VPS33B: variants seen among roughly 807,000 people sequenced by gnomAD.
The protein encoded by VPS33B is VPS33B late endosome and lysosome associated, also known as vacuolar protein sorting-associated protein 33B.
Under a neutral mutation model 95.3 loss-of-function variants are expected in VPS33B, and 80 were observed. That is an observed-to-expected ratio of 0.84 (90% CI 0.70 to 1.01). The LOEUF (loss-of-function observed/expected upper bound fraction) is 1.01. Among genes scored for constraint, VPS33B ranks in the 50% least tolerant of loss-of-function variants. The pLI is 0.00. For synonymous variants in VPS33B, 280 were observed against 280.4 expected (o/e 1.00, Z 0.01); for missense variants, 715 against 773.4 (o/e 0.92, Z 0.90).
chr15:91,001,364 C>T (rs750843381), intron 19 of VPS33B, 25 bp downstream of exon 19: 1 of 1,593,908 alleles, frequency 6.3e-7, no homozygotes, highest in East Asian at 2.2e-5. Context: ...CCACTGTCTC[C>T]CCTAACCATC....
chr15:91,011,649 GCTTGTAGGATTATTTTAA>G lies in VPS33B; in HGVS notation c.358-1821_358-1804del, dbSNP rs1261256126. On this transcript the variant is annotated intron_variant, in intron 5 of 22. Coordinates refer to ENST00000333371, the MANE Select transcript of VPS33B (RefSeq NM_018668.5). This position sits in a 1 kb window ranked among gnomAD's most constrained non-coding sequence, Gnocchi z 5.5. Reference sequence around the variant, plus strand: ...TTTTGTTTTTCTGTGTAATAGAGAGGCTTGTAGGATTATTTTAACTTGTAGGATTATTCCCTGTTAATA... The same window carrying G: ...TTTTGTTTTTCTGTGTAATAGAGAGGCTTGTAGGATTATTCCCTGTTAATA... 6.6e-6 allele frequency among the ~76,000 whole-genome samples: 1 copy of G among 152,140 alleles called. No homozygotes were observed. Among genetic ancestry groups the G allele is most frequent in the East Asian group, 1.9e-4 (1 of 5,194 alleles).
chr15:91,016,375 CTTTTTTTTTT>C (rs796637381), intron 3 of VPS33B, among the ~76,000 whole-genome samples: 7 of 96,014 alleles, frequency 7.3e-5, no homozygotes, highest in Middle Eastern at 7.2e-3. Flanking sequence ...GCAGATTCTT[CTTTTTTTTTT>C]TTTTTTTTTT....
In VPS33B at chr15:91,015,446, A is replaced by G. The variant is rs2040897861; in HGVS notation, c.240-1013T>C. Among the ~76,000 whole-genome samples the G allele has an allele frequency of 6.6e-6, 1 of 151,122 alleles. No homozygotes were observed. The highest frequency in any genetic ancestry group is 6.6e-5 in the Admixed American group (1 of 15,152). On this transcript the variant is annotated intron_variant, in intron 3 of 22. Coordinates refer to ENST00000333371, the MANE Select transcript of VPS33B (RefSeq NM_018668.5). The surrounding 1 kb of genome is among the most constrained non-coding windows in gnomAD (Gnocchi z 4.7). ...TATAATCCCAGCATTTTGGGAGGCC[A>G]AGGAGTGCGGATCACCTGAGGTCAA...
intron 18 of VPS33B, 141 bp downstream of exon 18, chr15:91,001,909 G>A (rs1033109712): frequency 2.2e-6 from 3 of 1,341,072 alleles, no homozygotes; most frequent in Non-Finnish European, 3.1e-6. Flanking sequence ...ACTAGCAGAA[G>A]TAGTAGTAAT....
At position 91,006,385 on chromosome 15, in the gene VPS33B, T is replaced by C. The variant is rs1328711434; in HGVS notation, c.839A>G (p.Asn280Ser). 4 of 1,614,192 alleles carry C rather than the reference T, an allele frequency of 2.5e-6. No homozygotes were observed. The highest frequency in any genetic ancestry group is 3.4e-6 in the Non-Finnish European group (4 of 1,180,034). The change falls in exon 11 of 23, where the codon AAT (asparagine) becomes AGT (serine). Residue 280 changes from asparagine (N) to serine (S), a missense_variant. Transcript: ENST00000333371. The surrounding 1 kb of genome is among the most constrained non-coding windows in gnomAD (Gnocchi z 5.4). Reference protein sequence around the residue: ...SSDKSLKVLLNAEDKVFNEIR... With the variant: ...SSDKSLKVLLSAEDKVFNEIR... ...CCACACCCTCACCTTGTCCTCGGCA[T>C]TGAGTAGCACCTTCAGGCTCTTGTC... is the stretch of plus-strand genomic sequence containing the variant.
chr15:91,007,793 A>G lies in VPS33B; in HGVS notation c.498+77T>C, dbSNP rs1435928469. The stretch of plus-strand genomic sequence containing the variant: ...ATTACTTGCGTTGGACAAAGGTTAT[A>G]TTGGTATTTCTAGCCCTCTGCATCC... On this transcript the variant is annotated intron_variant, in intron 7 of 22. Coordinates refer to ENST00000333371, the MANE Select transcript of VPS33B (RefSeq NM_018668.5). This position sits in a 1 kb window ranked among gnomAD's most constrained non-coding sequence, Gnocchi z 5.3. 9.4e-6 allele frequency: 13 copies of G among 1,380,832 alleles called. No individual in the cohort carries two copies. The highest frequency in any genetic ancestry group is 1.2e-5 in the Non-Finnish European group (12 of 969,280). 85.5% of individuals were successfully genotyped at this position (1,380,832 alleles called of 1,614,324 possible).
Position 91,022,578 on chromosome 15 carries a change from G to C in VPS33B, c.-329C>G. 1.5e-5 allele frequency: 3 copies of C among 206,164 alleles called. No homozygotes were observed. The highest frequency in any genetic ancestry group is 9.6e-6 in the Non-Finnish European group (1 of 104,454). The allele number at this position is 206,164 out of a possible 1,614,324, so 12.8% of individuals were successfully genotyped here. ...ACGAGGAGAACCCCGCCTTCTACCA[G>C]AAAAAGAAGCGACTTCCTAGATCTC... is the stretch of plus-strand genomic sequence containing the variant. On this transcript the variant is annotated 5_prime_UTR_variant, in exon 1 of 23. Coordinates refer to ENST00000333371, the MANE Select transcript of VPS33B (RefSeq NM_018668.5).
chr15:91,006,137 T>G lies in VPS33B; in HGVS notation c.853-78A>C. ...CAGTAGAATGACAGTACAGGAAGGGTACTCAGGTGTTCTGGCAGAAATACA... is the reference window on the plus strand; with the variant it reads ...CAGTAGAATGACAGTACAGGAAGGGGACTCAGGTGTTCTGGCAGAAATACA... On this transcript the variant is annotated intron_variant, in intron 11 of 22. Coordinates refer to ENST00000333371, the MANE Select transcript of VPS33B (RefSeq NM_018668.5). The surrounding 1 kb of genome is among the most constrained non-coding windows in gnomAD (Gnocchi z 5.4). 1 of 1,519,832 alleles carries G rather than the reference T, an allele frequency of 6.6e-7. No individual in the cohort carries two copies. Among genetic ancestry groups the G allele is most frequent in the Non-Finnish European group, 9.1e-7 (1 of 1,101,522 alleles). 94.1% of individuals were successfully genotyped at this position (1,519,832 alleles called of 1,614,324 possible). A position where few individuals can be genotyped will look rare whatever the true frequency, so the allele number is the denominator to read the frequency against.
chr15:91,018,942 G>A lies in VPS33B; in HGVS notation c.97-1057C>T, dbSNP rs1482605655. Reference sequence around the variant, plus strand: ...GCAATTCTCTGCCTCAGCCTCCCGAGTAGCTGAGATTACAGGTGCCTGCCA... The same window carrying A: ...GCAATTCTCTGCCTCAGCCTCCCGAATAGCTGAGATTACAGGTGCCTGCCA... On this transcript the variant is annotated intron_variant, in intron 1 of 22. Coordinates refer to ENST00000333371, the MANE Select transcript of VPS33B (RefSeq NM_018668.5). The surrounding 1 kb of genome is among the most constrained non-coding windows in gnomAD (Gnocchi z 4.7). Among the ~76,000 whole-genome samples, 1 of 151,642 alleles carries A rather than the reference G, an allele frequency of 6.6e-6. No individual in the cohort carries two copies. Among genetic ancestry groups the A allele is most frequent in the Non-Finnish European group, 1.5e-5 (1 of 67,924 alleles).
At chr15:91,008,208 G>A (rs984123588) in intron 6 of VPS33B, among the ~76,000 whole-genome samples, 5 of 152,214 alleles carry the variant, frequency 3.3e-5, no homozygotes, top group African/African-American at 1.2e-4. Flanking sequence ...GTGATAAGTG[G>A]TGGGTTTTTA....
intron 1 of VPS33B, among the ~76,000 whole-genome samples, chr15:91,019,482 A>G (rs1280473609): frequency 6.6e-6 from 1 of 152,136 alleles, no homozygotes; most frequent in East Asian, 1.9e-4. Flanking sequence ...GAGGGTAGGA[A>G]ATCTTGAGGT....
In VPS33B at chr15:91,002,674, A is replaced by T. The variant is rs3784776; in HGVS notation, c.1272+411T>A. Among the ~76,000 whole-genome samples the T allele has an allele frequency of 0.17, 25,785 of 151,078 alleles. 3,278 individuals are homozygous for T. Among genetic ancestry groups the T allele is most frequent in the East Asian group, 0.47 (2,386 of 5,094 alleles). ...AAAGAAAAGAAATAATTAGCACCAA[A>T]CAAAGAAGAATAAAAAGCAGCATGA... On this transcript the variant is annotated intron_variant, in intron 17 of 22. Coordinates refer to ENST00000333371, the MANE Select transcript of VPS33B (RefSeq NM_018668.5). This position sits in a 1 kb window ranked among gnomAD's most constrained non-coding sequence, Gnocchi z 4.7.
intron 18 of VPS33B, 93 bp from the exon 19 acceptor site, chr15:91,001,555 C>T: frequency 1.9e-6 from 2 of 1,056,528 alleles, no homozygotes; most frequent in Non-Finnish European, 3.0e-6. Flanking sequence ...CAGCACCAAT[C>T]ACATCCAAAA....
intron 16 of VPS33B, among the ~76,000 whole-genome samples, chr15:91,003,627 A>AG (rs2040509130): frequency 6.6e-6 from 1 of 151,898 alleles, no homozygotes; most frequent in Non-Finnish European, 1.5e-5. Flanking sequence ...TTTAGTAGAG[A>AG]CAGGGTTTCA....
intron 3 of VPS33B, among the ~76,000 whole-genome samples, chr15:91,016,095 A>G (rs1301312090): frequency 6.6e-6 from 1 of 152,182 alleles, no homozygotes; most frequent in Non-Finnish European, 1.5e-5. Flanking sequence ...AGGGCAACAG[A>G]GAGCTTCATG....
chr15:90,998,888 A>C lies in VPS33B; in HGVS notation c.*87T>G. Reference sequence around the variant, plus strand: ...GGCTCTTAGCAGGTAGTTGGTGGACACTTGGTTATAGCAGCTGGGTGCCAG... The same window carrying C: ...GGCTCTTAGCAGGTAGTTGGTGGACCCTTGGTTATAGCAGCTGGGTGCCAG... On this transcript the variant is annotated 3_prime_UTR_variant, in exon 23 of 23. Coordinates refer to ENST00000333371, the MANE Select transcript of VPS33B (RefSeq NM_018668.5). The surrounding 1 kb of genome is among the most constrained non-coding windows in gnomAD (Gnocchi z 4.8). 2 of 1,434,950 alleles carry C rather than the reference A, an allele frequency of 1.4e-6. No homozygotes were observed. Among genetic ancestry groups the C allele is most frequent in the Non-Finnish European group, 9.7e-7 (1 of 1,028,462 alleles). 88.9% of individuals were successfully genotyped at this position (1,434,950 alleles called of 1,614,324 possible). A position where few individuals can be genotyped will look rare whatever the true frequency, so the allele number is the denominator to read the frequency against.
Position 91,009,893 on chromosome 15 carries a change from C to T in VPS33B, c.358-47G>A. On this transcript the variant is annotated intron_variant, in intron 5 of 22. Coordinates refer to ENST00000333371, the MANE Select transcript of VPS33B (RefSeq NM_018668.5). The surrounding 1 kb of genome is among the most constrained non-coding windows in gnomAD (Gnocchi z 4.1). ...ATTAGTAACTACCTTCTTCTCTGTT[C>T]TCTCCATTTCTCTGGAGTTCCTCTG... 6.2e-7 allele frequency: 1 copy of T among 1,608,860 alleles called. No homozygotes were observed. Among genetic ancestry groups the T allele is most frequent in the South Asian group, 1.1e-5 (1 of 90,914 alleles).
intron 3 of VPS33B, 42 bp downstream of exon 3, chr15:91,016,921 T>C (rs1361728038): frequency 6.2e-7 from 1 of 1,604,882 alleles, no homozygotes; most frequent in South Asian, 1.1e-5. Context: ...CCTAGGGACC[T>C]CTTCCAGCTT....
In VPS33B at chr15:91,002,275, C is replaced by T. The variant is rs1347157896; in HGVS notation, c.1273-93G>A. On this transcript the variant is annotated intron_variant, in intron 17 of 22. Transcript: ENST00000333371. The surrounding 1 kb of genome is among the most constrained non-coding windows in gnomAD (Gnocchi z 4.7). ...GAGTTGAGCAGAAGGACTATGAAGCCTCTGCTGCAGTGTGAAGGAGCTCAC... is the reference window on the plus strand; with the variant it reads ...GAGTTGAGCAGAAGGACTATGAAGCTTCTGCTGCAGTGTGAAGGAGCTCAC... The T allele has an allele frequency of 1.3e-6, 2 of 1,538,192 alleles. No individual in the cohort carries two copies. The highest frequency in any genetic ancestry group is 1.8e-5 in the Admixed American group (1 of 54,638).
Sources: allele counts gnomAD v4.1 joint callset (sites outside exome capture counted in the v4.1 genomes callset), GRCh38; gene constraint gnomAD v4.1.1; non-coding constraint Gnocchi (gnomAD v3.1); transcripts MANE v1.5; gene names NCBI Gene and HGNC (gene_info 2026-07-23, HGNC 2026-07-21).